The following ZEB1 variants were observed in gnomAD, a reference collection of about 807,000 sequenced individuals.
The protein encoded by ZEB1 is zinc finger E-box binding homeobox 1, also known as zinc finger E-box-binding homeobox 1.
Under a neutral mutation model 84.9 loss-of-function variants are expected in ZEB1, and 21 were observed. The observed-to-expected ratio is 0.25, with a 90% CI of 0.18 to 0.36. The LOEUF (loss-of-function observed/expected upper bound fraction) is 0.36, where lower values mean the gene tolerates loss of function less well. ZEB1 is among the 10% of genes least tolerant of loss of function. The pLI is 1.00. For missense variants in ZEB1, 1,104 were observed against 1,330.2 expected, an observed-to-expected ratio of 0.83 and a Z score of 2.65; for synonymous variants, 420 against 471.1, an observed-to-expected ratio of 0.89 and a Z score of 1.41.
intron 3 of ZEB1, among the ~76,000 whole-genome samples, chr10:31,498,996 T>G (rs192861539): frequency 6.6e-6 from 1 of 152,214 alleles, no homozygotes; most frequent in Non-Finnish European, 1.5e-5. Flanking sequence ...GAAATAAAAT[T>G]TTATGTTATA....
At chr10:31,333,343 T>A (rs1242251654) in intron 1 of ZEB1, among the ~76,000 whole-genome samples, 3 of 152,140 alleles carry the variant, frequency 2.0e-5, no homozygotes, top group African/African-American at 7.2e-5. Flanking sequence ...TTCTCTGAGT[T>A]TCTGATCACC....
At chr10:31,328,214 C>T (rs1455904485) in intron 1 of ZEB1, among the ~76,000 whole-genome samples, 1 of 151,994 alleles carries the variant, frequency 6.6e-6, no homozygotes, top group African/African-American at 2.4e-5. Flanking sequence ...ATCAGGAGTT[C>T]ACCTTTTGAA....
chr10:31,419,010 C>T (rs1411918699), intron 1 of ZEB1, among the ~76,000 whole-genome samples: 1 of 152,134 alleles, frequency 6.6e-6, no homozygotes, highest in East Asian at 1.9e-4. Context: ...AAGGTATGCT[C>T]ATCCTGTATT....
rs2032996495 is a variant in ZEB1, at chr10:31,319,304, A to C, written c.58+12A>C. 1.3e-6 allele frequency: 2 copies of C among 1,598,716 alleles called. No individual in the cohort carries two copies. Among genetic ancestry groups the C allele is most frequent in the Non-Finnish European group, 8.5e-7 (1 of 1,174,312 alleles). ...GCGGCGCAATAACGGTGAGTGGCGG[A>C]GGGGACCGGGGAGCGGCGGAGTCAG... On this transcript the variant is annotated intron_variant, in intron 1 of 8. Coordinates refer to ENST00000424869, the MANE Select transcript of ZEB1 (RefSeq NM_001174096.2).
At chr10:31,508,001 T>C (rs775519526) in intron 4 of ZEB1, among the ~76,000 whole-genome samples, 6 of 152,156 alleles carry the variant, frequency 3.9e-5, no homozygotes, top group Non-Finnish European at 8.8e-5. Context: ...GCACTTTGGC[T>C]TTGATTCTGG....
At chr10:31,480,159 G>A (rs926892633) in intron 2 of ZEB1, among the ~76,000 whole-genome samples, 4 of 151,946 alleles carry the variant, frequency 2.6e-5, no homozygotes, top group African/African-American at 9.7e-5. Context: ...ACTGTCCCAA[G>A]TTAACAGCGA....
chr10:31,520,743 A>G lies in ZEB1; in HGVS notation c.1411A>G (p.Thr471Ala). The change falls in exon 7 of 9, where the codon ACA (threonine) becomes GCA (alanine). Residue 471 changes from threonine (T) to alanine (A), a missense_variant. Physicochemically the swap from Thr to Ala is moderately conservative, Grantham distance 58. This residue lies in a region of ZEB1 where 531 missense variants were observed against 575.2 expected (regional missense o/e 0.92). Transcript: ENST00000424869. This position sits in a 1 kb window ranked among gnomAD's most constrained non-coding sequence, Gnocchi z 5.1. ...TCTTCCTTTGGTTGATCAAGATGGA[A>G]CAACCAAAATTATCATCAACTACAG... ...ISLPLVDQDG[T>A]TKIIINYSLE... 6.2e-7 allele frequency: 1 copy of G among 1,614,124 alleles called. No individual in the cohort carries two copies. Among genetic ancestry groups the G allele is most frequent in the South Asian group, 1.1e-5 (1 of 91,086 alleles).
chr10:31,378,184 A>G (rs78488081), intron 1 of ZEB1, among the ~76,000 whole-genome samples: 7,327 of 151,574 alleles, frequency 0.048, 563 homozygotes, highest in African/African-American at 0.17. Context: ...AAAAGGCGGG[A>G]GAGTATTTGT....
chr10:31,354,638 T>G (rs563659219), intron 1 of ZEB1, among the ~76,000 whole-genome samples: 2 of 152,296 alleles, frequency 1.3e-5, no homozygotes, highest in East Asian at 3.9e-4. Context: ...AATTAAAATT[T>G]TTTTACTAAT....
chr10:31,484,078 C>G (rs947204548), intron 2 of ZEB1, among the ~76,000 whole-genome samples: 1 of 152,054 alleles, frequency 6.6e-6, no homozygotes, highest in South Asian at 2.1e-4. Flanking sequence ...GCCAGGAAAA[C>G]AGGTCAAGTT....
intron 1 of ZEB1, among the ~76,000 whole-genome samples, chr10:31,356,559 T>C (rs1177970033): frequency 6.6e-6 from 1 of 152,194 alleles, no homozygotes; most frequent in Non-Finnish European, 1.5e-5. Context: ...GATCATTGGC[T>C]CTAGAGATAG....
intron 1 of ZEB1, among the ~76,000 whole-genome samples, chr10:31,368,607 G>A (rs1348305369): frequency 6.6e-6 from 1 of 151,964 alleles, no homozygotes; most frequent in African/African-American, 2.4e-5. Context: ...TATTATGTGT[G>A]TGTGTATTGA....
At position 31,521,807 on chromosome 10, in the gene ZEB1, A is replaced by G. The variant is rs1189492591; in HGVS notation, c.2475A>G (p.Pro825=). 3.1e-6 allele frequency: 5 copies of G among 1,613,718 alleles called. No homozygotes were observed. Among genetic ancestry groups the G allele is most frequent in the Non-Finnish European group, 3.4e-6 (4 of 1,179,830 alleles). ...IVAIADQNSV[P]CLRALAANKQ... ...CCATTGCTGACCAGAACAGTGTTCCATGCTTAAGAGCGCTAGCTGCCAATA... is the reference window on the plus strand; with the variant it reads ...CCATTGCTGACCAGAACAGTGTTCCGTGCTTAAGAGCGCTAGCTGCCAATA... Residue 825 remains proline, a synonymous_variant, in exon 7 of 9, where the codon CCA becomes CCG. Transcript: ENST00000424869.
chr10:31,467,211 A>G (rs991308284), intron 2 of ZEB1, among the ~76,000 whole-genome samples: 6 of 152,096 alleles, frequency 3.9e-5, no homozygotes, highest in Non-Finnish European at 5.9e-5. Context: ...CAACCCCTGA[A>G]TACGTTTGGA....
chr10:31,462,556 G>A (rs1030682391), intron 2 of ZEB1, among the ~76,000 whole-genome samples: 26 of 152,272 alleles, frequency 1.7e-4, no homozygotes, highest in Middle Eastern at 3.4e-3. Flanking sequence ...GACCGATGGA[G>A]GTTAATTAGA....
intron 6 of ZEB1, among the ~76,000 whole-genome samples, chr10:31,516,521 A>G (rs1277058531): frequency 7.4e-6 from 1 of 135,690 alleles, no homozygotes; most frequent in Admixed American, 7.9e-5. Flanking sequence ...AGTAACCAAG[A>G]CCCAGGGTGT....
chr10:31,355,746 G>C (rs1054085336), intron 1 of ZEB1, among the ~76,000 whole-genome samples: 3 of 152,142 alleles, frequency 2.0e-5, no homozygotes, highest in Admixed American at 2.0e-4. Flanking sequence ...AGATTCCAGT[G>C]TGAGCGTTGA....
chr10:31,354,321 G>GT (rs2041785560), intron 1 of ZEB1, among the ~76,000 whole-genome samples: 2 of 152,008 alleles, frequency 1.3e-5, no homozygotes, highest in African/African-American at 4.8e-5. Context: ...AAAATTACCT[G>GT]TTTGTATAGC....
At position 31,414,400 on chromosome 10, in the gene ZEB1, G is replaced by T. The variant is rs367781111; in HGVS notation, c.59-46637G>T. ...TACAGTTTTATAAATTTGTCCTCAT[G>T]AAATTGATTGTCAGGTGTTTTCTCT... On this transcript the variant is annotated intron_variant, in intron 1 of 8. Coordinates refer to ENST00000424869, the MANE Select transcript of ZEB1 (RefSeq NM_001174096.2). Among the ~76,000 whole-genome samples the T allele has an allele frequency of 2.5e-4, 38 of 152,322 alleles. 1 individual carries two copies. Among genetic ancestry groups the T allele is most frequent in the African/African-American group, 8.2e-4 (34 of 41,588 alleles).
Sources: allele counts gnomAD v4.1 joint callset (sites outside exome capture counted in the v4.1 genomes callset), GRCh38; gene constraint gnomAD v4.1.1; regional missense constraint gnomAD v4.1.1; non-coding constraint Gnocchi (gnomAD v3.1); transcripts MANE v1.5; gene names NCBI Gene and HGNC (gene_info 2026-07-23, HGNC 2026-07-21).